SEMA3E: variants seen among roughly 807,000 people sequenced by gnomAD.
The protein encoded by SEMA3E is semaphorin-3E.
Under a neutral mutation model 93.6 loss-of-function variants are expected in SEMA3E, and 49 were observed. The observed-to-expected ratio is 0.52, with a 90% confidence interval of 0.42 to 0.66. The LOEUF is 0.66. SEMA3E is among the 30% of genes least tolerant of loss of function. The pLI is 0.00. For synonymous variants in SEMA3E, 363 were observed against 330.7 expected (o/e 1.10, Z -1.06); for missense variants, 906 against 964.8 (o/e 0.94, Z 0.81).
At chr7:83,466,846 A>T (rs929142756) in intron 3 of SEMA3E, among the ~76,000 whole-genome samples, 2 of 152,106 alleles carry the variant, frequency 1.3e-5, no homozygotes, top group Non-Finnish European at 2.9e-5. Flanking sequence ...ATCATTTTTC[A>T]TGTATTCTAG....
In SEMA3E at chr7:83,542,791, T is replaced by C. The variant is rs541807408; in HGVS notation, c.116-52517A>G. Among the ~76,000 whole-genome samples the C allele has an allele frequency of 7.4e-4, 113 of 152,284 alleles. 1 individual carries two copies. The Middle Eastern group carries it at 0.01, about 14-fold the overall frequency. On this transcript the variant is annotated intron_variant, in intron 1 of 16. Transcript: ENST00000643230. Reference sequence around the variant, plus strand: ...CTGTAAACTCCTGAATAGCAGGGTTTAGGTAGTAATTTATCTGCTTTCATG... The same window carrying C: ...CTGTAAACTCCTGAATAGCAGGGTTCAGGTAGTAATTTATCTGCTTTCATG...
chr7:83,613,048 G>A (rs1243920351), intron 1 of SEMA3E, among the ~76,000 whole-genome samples: 1 of 152,042 alleles, frequency 6.6e-6, no homozygotes, highest in Admixed American at 6.6e-5. Flanking sequence ...TAGCTTGTAT[G>A]TGATATATGA....
chr7:83,573,981 G>T (rs1022763522), intron 1 of SEMA3E, among the ~76,000 whole-genome samples: 3 of 151,920 alleles, frequency 2.0e-5, no homozygotes, highest in Admixed American at 6.6e-5. Context: ...CATTAAAAAT[G>T]GACTAAAATG....
rs569254796 is a variant in SEMA3E, at chr7:83,451,223, TCC to T, written c.456+15257_456+15258del. Reference sequence around the variant, plus strand: ...GAACTGTGAGTCAATTAATCCTCTTTCCTTTATAAATTACCCAGTTTCAGGCA... The same window carrying T: ...GAACTGTGAGTCAATTAATCCTCTTTTTTATAAATTACCCAGTTTCAGGCA... On this transcript the variant is annotated intron_variant, in intron 4 of 16. Coordinates refer to ENST00000643230, the MANE Select transcript of SEMA3E (RefSeq NM_012431.3). 3.3e-4 allele frequency among the ~76,000 whole-genome samples: 51 copies of T among 152,292 alleles called. No individual in the cohort carries two copies. The East Asian group carries it at 9.3e-3, about 28-fold the overall frequency.
At chr7:83,609,169 C>A (rs1174916598) in intron 1 of SEMA3E, among the ~76,000 whole-genome samples, 1 of 151,718 alleles carries the variant, frequency 6.6e-6, no homozygotes, top group Non-Finnish European at 1.5e-5. Flanking sequence ...CCATGAAGTT[C>A]AAAAAATACT....
In SEMA3E at chr7:83,469,285, T is replaced by C; in HGVS notation, c.294A>G (p.Thr98=). The C allele has an allele frequency of 6.2e-7, 1 of 1,610,698 alleles. No homozygotes were observed. The highest frequency in any genetic ancestry group is 1.1e-5 in the South Asian group (1 of 91,030). The change falls in exon 3 of 17, where the codon ACA becomes ACG. Residue 98 remains threonine, a synonymous_variant. Transcript: ENST00000643230. ...DGYKEIHWPS[T]ALKMEECIMK... ...TTATGCATTCTTCCATTTTTAGAGCTGTACTCGGCCAGTGTATCTAAAATA... is the reference window on the plus strand; with the variant it reads ...TTATGCATTCTTCCATTTTTAGAGCCGTACTCGGCCAGTGTATCTAAAATA...
In SEMA3E at chr7:83,648,596, T is replaced by G. The variant is rs1042874106; in HGVS notation, c.-54A>C. On this transcript the variant is annotated 5_prime_UTR_variant, in exon 1 of 17. Transcript: ENST00000643230. The stretch of plus-strand genomic sequence containing the variant: ...CTCCTCACTTTAAGGAGGGTCTGAG[T>G]TTTACTTAGGACTTCCCTCCAGGGG... 44 of 1,379,406 alleles carry G rather than the reference T, an allele frequency of 3.2e-5. No homozygotes were observed. The highest frequency in any genetic ancestry group is 4.4e-5 in the Non-Finnish European group (43 of 973,188). 85.4% of individuals were successfully genotyped at this position (1,379,406 alleles called of 1,614,324 possible).
chr7:83,394,622 C>T (rs552779598), intron 12 of SEMA3E, among the ~76,000 whole-genome samples: 264 of 152,122 alleles, frequency 1.7e-3, no homozygotes, highest in African/African-American at 5.6e-3. Flanking sequence ...ATATTACTTG[C>T]GCTTTGGAAA....
At chr7:83,411,484 T>A (rs1788437901) in intron 5 of SEMA3E, among the ~76,000 whole-genome samples, 1 of 152,092 alleles carries the variant, frequency 6.6e-6, no homozygotes, top group Non-Finnish European at 1.5e-5. Context: ...TTTAAAAAAA[T>A]TCATAGTAAT....
In SEMA3E at chr7:83,389,554, G is replaced by A. The variant is rs372922410; in HGVS notation, c.1668-2504C>T. On this transcript the variant is annotated intron_variant, in intron 14 of 16. Coordinates refer to ENST00000643230, the MANE Select transcript of SEMA3E (RefSeq NM_012431.3). ...TTTCAGTTCATTTTATACTATCCCC[G>A]TATAGTTGTCCTTTATTTCAGTATA... Among the ~76,000 whole-genome samples the A allele has an allele frequency of 2.5e-4, 38 of 151,746 alleles. 1 individual carries two copies. The highest frequency in any genetic ancestry group is 1.7e-3 in the East Asian group (9 of 5,146).
At chr7:83,547,574 G>A (rs575547396) in intron 1 of SEMA3E, among the ~76,000 whole-genome samples, 1 of 152,110 alleles carries the variant, frequency 6.6e-6, no homozygotes, top group East Asian at 1.9e-4. Context: ...GGTCCGCTGT[G>A]GTCAGACATA....
intron 1 of SEMA3E, among the ~76,000 whole-genome samples, chr7:83,623,208 T>A (rs985284201): frequency 2.0e-5 from 3 of 151,968 alleles, no homozygotes; most frequent in African/African-American, 7.3e-5. Flanking sequence ...TGTATACTAA[T>A]GATGACAACA....
chr7:83,434,135 T>A (rs1048091009), intron 4 of SEMA3E, among the ~76,000 whole-genome samples: 2 of 152,134 alleles, frequency 1.3e-5, no homozygotes, highest in African/African-American at 4.8e-5. Flanking sequence ...TATATAAATT[T>A]TAAATTCTAA....
At chr7:83,380,513 G>T (rs1333646800) in intron 16 of SEMA3E, among the ~76,000 whole-genome samples, 6 of 151,728 alleles carry the variant, frequency 4.0e-5, no homozygotes, top group African/African-American at 1.2e-4. Context: ...TTTTCATCTT[G>T]TAACATAAGC....
intron 2 of SEMA3E, among the ~76,000 whole-genome samples, chr7:83,487,397 T>C (rs1335760447): frequency 6.6e-6 from 1 of 152,124 alleles, no homozygotes. Context: ...ATGAAAAGGT[T>C]GTTAATTTTC....
intron 4 of SEMA3E, chr7:83,461,984 G>A (rs1160908599): frequency 6.6e-6 from 1 of 152,358 alleles, no homozygotes; most frequent in East Asian, 1.9e-4. Context: ...CGCAGGCCGG[G>A]ATTCCTCCTA....
intron 1 of SEMA3E, among the ~76,000 whole-genome samples, chr7:83,583,939 C>G (rs1196085312): frequency 6.6e-6 from 1 of 151,990 alleles, no homozygotes. Flanking sequence ...AACTTGAGTC[C>G]TCATTGACGT....
chr7:83,410,543 A>C (rs1788418618), intron 5 of SEMA3E, among the ~76,000 whole-genome samples: 1 of 152,110 alleles, frequency 6.6e-6, no homozygotes, highest in Admixed American at 6.6e-5. Flanking sequence ...AGATTAACAT[A>C]ATTTTTTATC....
chr7:83,508,514 G>A (rs182252537), intron 1 of SEMA3E, among the ~76,000 whole-genome samples: 1,806 of 151,990 alleles, frequency 0.012, 35 homozygotes, highest in African/African-American at 0.041. Context: ...TGCCCACCTC[G>A]GCCTCCCAAA....
Sources: allele counts gnomAD v4.1 joint callset (sites outside exome capture counted in the v4.1 genomes callset), GRCh38; gene constraint gnomAD v4.1.1; transcripts MANE v1.5; gene names NCBI Gene and HGNC (gene_info 2026-07-23, HGNC 2026-07-21).